The following STXBP5L variants were observed in gnomAD, a reference collection of about 807,000 sequenced individuals.
STXBP5L encodes syntaxin-binding protein 5-like.
Under a neutral mutation model 144.5 loss-of-function variants are expected in STXBP5L, and 65 were observed. The ratio of observed to expected loss-of-function variants is 0.45; its 90% CI spans 0.37 to 0.55. The LOEUF is 0.55. Ranked by LOEUF, STXBP5L falls within the 20% of genes least tolerant of loss-of-function variation. STXBP5L has a pLI of 0.00. For missense variants in STXBP5L, 1,298 were observed against 1,405.5 expected (o/e 0.92, Z 1.22); for synonymous variants, 505 against 469.6 (o/e 1.08, Z -0.97).
intron 3 of STXBP5L, among the ~76,000 whole-genome samples, chr3:121,023,451 A>G (rs1576689499): frequency 6.6e-6 from 1 of 152,226 alleles, no homozygotes; most frequent in African/African-American, 2.4e-5. Context: ...AGACAAAGCA[A>G]AAAGAACAAA....
chr3:121,001,357 T>G (rs73858239), intron 3 of STXBP5L, among the ~76,000 whole-genome samples: 2,930 of 152,288 alleles, frequency 0.019, 102 homozygotes, highest in African/African-American at 0.067. Context: ...CGGGAATTCT[T>G]GCAGAAAGGG....
chr3:121,150,384 G>C (rs1282561943), intron 7 of STXBP5L, among the ~76,000 whole-genome samples: 7 of 151,958 alleles, frequency 4.6e-5, no homozygotes, highest in African/African-American at 1.4e-4. Context: ...TTTTTGTCTT[G>C]GTTCCTCATG....
rs985914513 is a variant in STXBP5L, at chr3:120,977,369, C to T, written c.287+22332C>T. 2.6e-5 allele frequency among the ~76,000 whole-genome samples: 4 copies of T among 152,128 alleles called. No individual in the cohort carries two copies. In the South Asian group the frequency reaches 8.3e-4, roughly 32 times the overall value. On this transcript the variant is annotated intron_variant, in intron 3 of 26. Coordinates refer to ENST00000471454, the MANE Select transcript of STXBP5L (RefSeq NM_001308330.2). The stretch of plus-strand genomic sequence containing the variant: ...TTTGTCAGAGAGTAGGATTGCAACC[C>T]CTGCCTTTTTTTGTTTTCCATTTGC...
At chr3:121,048,648 T>A (rs1278350225) in intron 5 of STXBP5L, among the ~76,000 whole-genome samples, 1 of 152,096 alleles carries the variant, frequency 6.6e-6, no homozygotes, top group Non-Finnish European at 1.5e-5. Flanking sequence ...ATTATGAAAT[T>A]CTTGTAGTGT....
At chr3:120,965,637 A>T (rs150077563) in intron 3 of STXBP5L, among the ~76,000 whole-genome samples, 6,055 of 152,272 alleles carry the variant, frequency 0.04, 170 homozygotes, top group Middle Eastern at 0.082. Flanking sequence ...CTTTCTGCTG[A>T]GAGATCTGTT....
chr3:121,189,871 A>C (rs1410340968), intron 9 of STXBP5L, among the ~76,000 whole-genome samples: 1 of 152,200 alleles, frequency 6.6e-6, no homozygotes. Context: ...GTATGTATTC[A>C]CTAACAGTTA....
At chr3:121,272,836 A>T (rs866527856) in intron 18 of STXBP5L, among the ~76,000 whole-genome samples, 3 of 152,144 alleles carry the variant, frequency 2.0e-5, no homozygotes, top group Middle Eastern at 3.4e-3. Flanking sequence ...ATACTTAATA[A>T]CAGTCTATTT....
In STXBP5L at chr3:121,394,343, T is replaced by A. The variant is rs549409571; in HGVS notation, c.2587+12811T>A. Among the ~76,000 whole-genome samples the A allele has an allele frequency of 6.6e-5, 10 of 152,194 alleles. No individual in the cohort carries two copies. In the South Asian group the frequency reaches 2.1e-3, roughly 32 times the overall value. On this transcript the variant is annotated intron_variant, in intron 22 of 26. Transcript: ENST00000471454. ...GAAGGAGTCTTTAGGGTTTTCTAGTTATAAGGTCATATAATCAGTGAACAG... is the reference window on the plus strand; with the variant it reads ...GAAGGAGTCTTTAGGGTTTTCTAGTAATAAGGTCATATAATCAGTGAACAG...
chr3:121,059,056 G>T (rs1291679873), intron 5 of STXBP5L, among the ~76,000 whole-genome samples: 1 of 152,162 alleles, frequency 6.6e-6, no homozygotes, highest in African/African-American at 2.4e-5. Context: ...CCATGCCTAT[G>T]TCCTGAACAG....
In STXBP5L at chr3:121,303,133, C is replaced by T. The variant is rs557501065; in HGVS notation, c.2111-15342C>T. ...GAGAAAATTTTTGCAATCTACTCAT[C>T]TGACAAAGGGCTAATATCCAGAATC... is the stretch of plus-strand genomic sequence containing the variant. On this transcript the variant is annotated intron_variant, in intron 19 of 26. Transcript: ENST00000471454. Among the ~76,000 whole-genome samples the T allele has an allele frequency of 7.8e-3, 1,193 of 152,254 alleles. 13 individuals carry two copies. Among genetic ancestry groups the T allele is most frequent in the African/African-American group, 0.028 (1,150 of 41,552 alleles).
chr3:120,987,264 C>G (rs1376055595), intron 3 of STXBP5L, among the ~76,000 whole-genome samples: 2 of 151,912 alleles, frequency 1.3e-5, no homozygotes, highest in Non-Finnish European at 1.5e-5. Context: ...TCTAGTATTT[C>G]CACATTATTA....
chr3:121,006,883 T>C (rs945025707), intron 3 of STXBP5L, among the ~76,000 whole-genome samples: 1 of 152,192 alleles, frequency 6.6e-6, no homozygotes, highest in East Asian at 1.9e-4. Flanking sequence ...TGGCCCCCAC[T>C]CTCTTCTGGC....
At chr3:121,123,844 G>A (rs116651099) in intron 7 of STXBP5L, among the ~76,000 whole-genome samples, 1,826 of 151,742 alleles carry the variant, frequency 0.012, 37 homozygotes, top group African/African-American at 0.041. Flanking sequence ...TCCATCAATA[G>A]TCTTTTGTCA....
intron 18 of STXBP5L, among the ~76,000 whole-genome samples, chr3:121,278,456 G>A (rs1453006428): frequency 6.6e-6 from 1 of 151,730 alleles, no homozygotes; most frequent in Non-Finnish European, 1.5e-5. Flanking sequence ...ATGCATCCTA[G>A]TTGCCTACAT....
At position 121,248,461 on chromosome 3, in the gene STXBP5L, G is replaced by A. The variant is rs143003376; in HGVS notation, c.1401-2262G>A. ...CTTCTTTTGAGAAGCATCTGTTCAT[G>A]TCTTTTGCCCACTTTTTAATGGGAT... On this transcript the variant is annotated intron_variant, in intron 14 of 26. Transcript: ENST00000471454. 4.6e-5 allele frequency among the ~76,000 whole-genome samples: 7 copies of A among 152,254 alleles called. No homozygotes were observed. The East Asian group carries it at 1.3e-3, about 29-fold the overall frequency.
chr3:121,004,257 G>T (rs1038594441), intron 3 of STXBP5L, among the ~76,000 whole-genome samples: 2 of 151,500 alleles, frequency 1.3e-5, no homozygotes, highest in Non-Finnish European at 1.5e-5. Context: ...CCTTGAAGAG[G>T]TCCTTCACAT....
At chr3:121,122,827 T>C (rs760559898) in intron 7 of STXBP5L, among the ~76,000 whole-genome samples, 2 of 151,438 alleles carry the variant, frequency 1.3e-5, no homozygotes, top group Non-Finnish European at 3.0e-5. Flanking sequence ...CTTTAGGGCA[T>C]ATGCTATAAC....
At chr3:121,344,177 G>A (rs1018097382) in intron 20 of STXBP5L, among the ~76,000 whole-genome samples, 9 of 152,036 alleles carry the variant, frequency 5.9e-5, no homozygotes, top group Non-Finnish European at 1.2e-4. Context: ...AAATGGTGCT[G>A]GGAAAACTGG....
rs559612512 is a variant in STXBP5L, at chr3:121,329,658, C to T, written c.2176+11118C>T. 9.7e-4 allele frequency among the ~76,000 whole-genome samples: 147 copies of T among 152,146 alleles called. 1 individual carries two copies. Among genetic ancestry groups the T allele is most frequent in the African/African-American group, 3.2e-3 (131 of 41,520 alleles). On this transcript the variant is annotated intron_variant, in intron 20 of 26. Transcript: ENST00000471454. Reference sequence around the variant, plus strand: ...GGAGGATTGCTTGAGGTCAGGAGTTCAAGACCAGCCTGACCAACATGGTGA... The same window carrying T: ...GGAGGATTGCTTGAGGTCAGGAGTTTAAGACCAGCCTGACCAACATGGTGA...
Sources: gnomAD v4.1 joint callset for allele counts (sites outside exome capture counted in the v4.1 genomes callset) on GRCh38, gnomAD v4.1.1 for gene constraint, MANE v1.5 for transcripts, NCBI Gene and HGNC (gene_info 2026-07-23, HGNC 2026-07-21) for gene names.